Variants in DMD observed in about 807,000 individuals in gnomAD.
DMD encodes the protein dystrophin.
In DMD, 63 loss-of-function variants were observed where a neutral mutation model predicts 330.1. The observed-to-expected ratio is 0.19, with a 90% CI of 0.16 to 0.24. The LOEUF (loss-of-function observed/expected upper bound fraction) is 0.24. Among genes scored for constraint, DMD ranks in the 10% least tolerant of loss-of-function variants. DMD has a pLI of 1.00. For missense variants in DMD, 3,344 were observed against 2,684.1 expected, an observed-to-expected ratio of 1.25 and a Z score of -5.43; for synonymous variants, 1,223 against 959.8, an observed-to-expected ratio of 1.27 and a Z score of -5.07.
rs780853089 is a variant in DMD, at chrX:33,082,729, C to T, written c.32-62529G>A. ...ATGGTAGAAACCAAAAGAAAGTATC[C>T]CCACATGGTCACAAGGTTAAGCTCT... On this transcript the variant is annotated intron_variant, in intron 1 of 78. Transcript: ENST00000357033. Among the ~76,000 whole-genome samples the T allele has an allele frequency of 7.2e-5, 8 of 111,799 alleles. No homozygotes were observed. In the South Asian group the frequency reaches 1.5e-3, roughly 21 times the overall value.
At chrX:33,041,662 G>A in intron 1 of DMD, 2 of 1,209,027 alleles carry the variant, frequency 1.7e-6, no homozygotes, top group Non-Finnish European at 2.2e-6. Context: ...AGACTTGGAA[G>A]AAGCTGAGGA....
intron 11 of DMD, among the ~76,000 whole-genome samples, chrX:32,631,074 A>T (rs1270833031): frequency 9.0e-6 from 1 of 111,598 alleles, no homozygotes; most frequent in Non-Finnish European, 1.9e-5. Context: ...TAATGCTGTG[A>T]CTCTTGCAGA....
At chrX:31,632,081 G>T (rs1401763214) in intron 54 of DMD, among the ~76,000 whole-genome samples, 1 of 111,321 alleles carries the variant, frequency 9.0e-6, no homozygotes, top group Non-Finnish European at 1.9e-5. Context: ...TATCAATGAA[G>T]AAATCAAATA....
intron 2 of DMD, among the ~76,000 whole-genome samples, chrX:32,876,282 C>A (rs182535786): frequency 1.7e-3 from 191 of 112,013 alleles, no homozygotes; most frequent in African/African-American, 5.7e-3. Flanking sequence ...TCTCTAGATA[C>A]AAAATGTCAG....
chrX:31,973,761 T>C (rs1016304267), intron 44 of DMD, among the ~76,000 whole-genome samples: 18 of 112,002 alleles, frequency 1.6e-4, no homozygotes, highest in African/African-American at 5.5e-4. Context: ...CTCCTTTGTA[T>C]AGGTATTTAT....
At chrX:33,297,706 C>CT (rs1309831403) in intron 1 of DMD, among the ~76,000 whole-genome samples, 4 of 110,788 alleles carry the variant, frequency 3.6e-5, no homozygotes, top group Non-Finnish European at 5.7e-5. Flanking sequence ...AGGACATATG[C>CT]TATGTGAAAT....
intron 43 of DMD, among the ~76,000 whole-genome samples, chrX:32,239,939 G>C (rs986429914): frequency 1.8e-5 from 2 of 111,379 alleles, no homozygotes; most frequent in Non-Finnish European, 3.8e-5. Flanking sequence ...GTTTTCTTAA[G>C]GTCTATGCCT....
chrX:33,190,929 T>G (rs1208795014), intron 1 of DMD, among the ~76,000 whole-genome samples: 3 of 857 alleles, frequency 3.5e-3, no homozygotes, highest in African/African-American at 0.013. Context: ...TATATAATAT[T>G]ATATATATAT....
Position 31,644,408 on chromosome X carries a change from A to T in DMD, c.8027+13582T>A, listed in dbSNP as rs954685764. On this transcript the variant is annotated intron_variant, in intron 54 of 78. Transcript: ENST00000357033. ...TACAAGAATTTCTGTGTCAGAATTA[A>T]CACAAACTGGTGTTTTGAGCTTAGG... 2.7e-5 allele frequency among the ~76,000 whole-genome samples: 3 copies of T among 111,919 alleles called. No individual in the cohort carries two copies. The Admixed American group carries it at 2.8e-4, about 11-fold the overall frequency.
intron 54 of DMD, among the ~76,000 whole-genome samples, chrX:31,637,805 C>A (rs1234225836): frequency 1.8e-5 from 2 of 110,969 alleles, no homozygotes; most frequent in Non-Finnish European, 3.8e-5. Context: ...TTCAGTTGAA[C>A]CTCATAATAA....
At chrX:33,235,691 C>G (rs1482239749) in intron 1 of DMD, among the ~76,000 whole-genome samples, 1 of 109,910 alleles carries the variant, frequency 9.1e-6, no homozygotes, top group African/African-American at 3.3e-5. Flanking sequence ...CAAGGTTGCT[C>G]AAGGTCACAC....
At chrX:32,597,597 T>G (rs1433142555) in intron 12 of DMD, among the ~76,000 whole-genome samples, 1 of 111,927 alleles carries the variant, frequency 8.9e-6, no homozygotes, top group Admixed American at 9.4e-5. Context: ...AAATACTGCC[T>G]TTCTAACTTA....
intron 55 of DMD, among the ~76,000 whole-genome samples, chrX:31,543,605 T>G (rs918721150): frequency 8.9e-6 from 1 of 112,765 alleles, no homozygotes; most frequent in African/African-American, 3.2e-5. Flanking sequence ...TTAAGTCATT[T>G]TAATAGTCCA....
rs1017957097 is a variant in DMD, at chrX:32,339,316, G to C, written c.5922+2784C>G. On this transcript the variant is annotated intron_variant, in intron 41 of 78. Transcript: ENST00000357033. ...AACTATCCCTTTTCCTCAGTTTACA[G>C]TCCGTGCTTGGTCTTAACTGAGGAA... Among the ~76,000 whole-genome samples, 5 of 111,993 alleles carry C rather than the reference G, an allele frequency of 4.5e-5. No homozygotes were observed. In the Admixed American group the frequency reaches 4.8e-4, roughly 11 times the overall value.
At chrX:31,722,491 T>G (rs7890859) in intron 52 of DMD, among the ~76,000 whole-genome samples, 28,155 of 110,198 alleles carry the variant, frequency 0.26, 3,780 homozygotes, top group African/African-American at 0.49. Context: ...CATAAGAATT[T>G]GTAGAGTAAC....
rs778521261 is a variant in DMD at position 32,849,862 on chromosome X, T to G, written c.94-42A>C. ...TACACTCAATTTAACAAAGCACACT[T>G]CCAATGATACATTTTCACGATTATC... On this transcript the variant is annotated intron_variant, in intron 2 of 78. Transcript: ENST00000357033. 1.7e-5 allele frequency: 16 copies of G among 939,747 alleles called. No homozygotes were observed. The East Asian group carries it at 4.9e-4, about 29-fold the overall frequency. The allele number at this position is 939,747 out of a possible 1,213,427, so 77.4% of individuals were successfully genotyped here.
At chrX:31,295,342 T>C (rs928612701) in intron 62 of DMD, among the ~76,000 whole-genome samples, 1 of 111,314 alleles carries the variant, frequency 9.0e-6, no homozygotes, top group African/African-American at 3.3e-5. Context: ...TTAGCATTTT[T>C]TTTTCATATA....
chrX:31,452,646 C>T (rs1372958620), intron 59 of DMD, among the ~76,000 whole-genome samples: 1 of 112,274 alleles, frequency 8.9e-6, no homozygotes, highest in African/African-American at 3.2e-5. Context: ...TATACCCAAA[C>T]ATAAAAGGAT....
At chrX:31,693,453 G>A in intron 52 of DMD, among the ~76,000 whole-genome samples, 1 of 111,249 alleles carries the variant, frequency 9.0e-6, no homozygotes, top group African/African-American at 3.3e-5. Context: ...GAAATAAAAG[G>A]CAACCAAACT....
Sources: gnomAD v4.1 joint callset for allele counts (sites outside exome capture counted in the v4.1 genomes callset) on GRCh38, gnomAD v4.1.1 for gene constraint, MANE v1.5 for transcripts, NCBI Gene and HGNC (gene_info 2026-07-23, HGNC 2026-07-21) for gene names.